The following OTOP1 variants were observed in gnomAD, a reference collection of about 807,000 sequenced individuals.
OTOP1 encodes proton channel OTOP1.
OTOP1 carries 59 observed loss-of-function variants against 52.9 expected under a neutral mutation model. That is an observed-to-expected ratio of 1.12 (90% CI 0.91 to 1.39). The LOEUF is 1.39. OTOP1 is among the 40% of genes most tolerant of loss of function. The pLI, the probability that OTOP1 is intolerant of heterozygous loss-of-function variation, is 0.00. For missense variants in OTOP1, 761 were observed against 800.9 expected (o/e 0.95, Z 0.60); for synonymous variants, 317 against 337.7 (o/e 0.94, Z 0.67).
At chr4:4,205,949 C>G (rs1470657618) in intron 3 of OTOP1, 123 bp downstream of exon 3, 1 of 831,662 alleles carries the variant, frequency 1.2e-6, no homozygotes, top group African/African-American at 1.7e-5. Context: ...GAGAGCTTAG[C>G]TTTCAGGACT....
At chr4:4,194,446 A>C (rs532458583) in intron 5 of OTOP1, among the ~76,000 whole-genome samples, 5 of 152,352 alleles carry the variant, frequency 3.3e-5, no homozygotes, top group African/African-American at 9.6e-5. Context: ...GCCTGCAGCC[A>C]AACTCTTCTG....
chr4:4,211,971 G>A (rs773513295), intron 2 of OTOP1, among the ~76,000 whole-genome samples: 4 of 152,000 alleles, frequency 2.6e-5, no homozygotes, highest in Non-Finnish European at 5.9e-5. Flanking sequence ...TGGATTTTAG[G>A]TGCCTTACCA....
chr4:4,222,637 G>A (rs770197102), intron 1 of OTOP1, among the ~76,000 whole-genome samples: 43 of 152,200 alleles, frequency 2.8e-4, no homozygotes, highest in Non-Finnish European at 4.8e-4. Flanking sequence ...GTAAGAAAAT[G>A]CATGGAGTTA....
chr4:4,211,509 G>T (rs1012672921), intron 2 of OTOP1, among the ~76,000 whole-genome samples: 4 of 152,214 alleles, frequency 2.6e-5, no homozygotes, highest in African/African-American at 9.7e-5. Flanking sequence ...GGAGGACATT[G>T]TGCTCAGTGG....
intron 4 of OTOP1, among the ~76,000 whole-genome samples, chr4:4,200,959 G>C (rs1247053016): frequency 6.6e-6 from 1 of 152,162 alleles, no homozygotes; most frequent in Non-Finnish European, 1.5e-5. Flanking sequence ...CAGAGTAACA[G>C]AATGTTAGAG....
chr4:4,208,228 A>G (rs1441604642), intron 2 of OTOP1, among the ~76,000 whole-genome samples: 3 of 152,172 alleles, frequency 2.0e-5, no homozygotes, highest in Admixed American at 6.5e-5. Context: ...TGGAGCCCAC[A>G]AGGAATTTCC....
Position 4,191,058 on chromosome 4 carries a change from C to T in OTOP1, c.1669-2085G>A, listed in dbSNP as rs185228425. On this transcript the variant is annotated intron_variant, in intron 5 of 5. Coordinates refer to ENST00000296358, the MANE Select transcript of OTOP1 (RefSeq NM_177998.3). ...GGCAACTTGAGTGTCTAAAACACAC[C>T]TCAAACTCAACCCACCTTCCCCATT... Among the ~76,000 whole-genome samples the T allele has an allele frequency of 1.2e-4, 19 of 152,274 alleles. No homozygotes were observed. In the East Asian group the frequency reaches 1.5e-3, roughly 12 times the overall value.
At chr4:4,200,723 C>CTTTTT (rs55863617) in intron 4 of OTOP1, among the ~76,000 whole-genome samples, 4,274 of 106,378 alleles carry the variant, frequency 0.04, 357 homozygotes, top group Non-Finnish European at 0.058. Flanking sequence ...GCATGCCTGC[C>CTTTTT]TTTTTTTTTT....
intron 1 of OTOP1, among the ~76,000 whole-genome samples, chr4:4,215,438 G>A (rs1042098729): frequency 3.3e-5 from 5 of 152,150 alleles, no homozygotes; most frequent in African/African-American, 1.2e-4. Flanking sequence ...GAGGCGGGTG[G>A]ATCACCTGAG....
intron 1 of OTOP1, among the ~76,000 whole-genome samples, chr4:4,216,356 G>C (rs1161448419): frequency 6.6e-6 from 1 of 152,184 alleles, no homozygotes; most frequent in Non-Finnish European, 1.5e-5. Context: ...ACGAGGACTT[G>C]GTCAAGTCAG....
intron 5 of OTOP1, among the ~76,000 whole-genome samples, chr4:4,189,383 C>T (rs552216088): frequency 1.3e-5 from 2 of 152,348 alleles, no homozygotes; most frequent in Non-Finnish European, 2.9e-5. Context: ...GGAACCTACA[C>T]ACTGTTCCCT....
At chr4:4,225,877 GGGA>G (rs1245977568) in intron 1 of OTOP1, among the ~76,000 whole-genome samples, 1 of 152,172 alleles carries the variant, frequency 6.6e-6, no homozygotes, top group Non-Finnish European at 1.5e-5. Flanking sequence ...CTGCAAAGCC[GGGA>G]GGAGAAGGGG....
intron 4 of OTOP1, among the ~76,000 whole-genome samples, chr4:4,199,403 G>A (rs199890839): frequency 6.6e-6 from 1 of 151,744 alleles, no homozygotes. Flanking sequence ...TATTTTGGGG[G>A]TTTTTTTGTT....
At chr4:4,224,217 G>A (rs530338402) in intron 1 of OTOP1, among the ~76,000 whole-genome samples, 1 of 151,680 alleles carries the variant, frequency 6.6e-6, no homozygotes, top group Admixed American at 6.6e-5. Flanking sequence ...CATAGTTGCA[G>A]GCGCCTATAA....
At chr4:4,192,133 A>T (rs1370370226) in intron 5 of OTOP1, among the ~76,000 whole-genome samples, 1 of 152,220 alleles carries the variant, frequency 6.6e-6, no homozygotes. Context: ...TGCAGTTTCC[A>T]AGCCCAGGCC....
intron 1 of OTOP1, among the ~76,000 whole-genome samples, chr4:4,221,946 A>G (rs1349190399): frequency 1.3e-5 from 2 of 152,024 alleles, no homozygotes; most frequent in African/African-American, 4.8e-5. Context: ...TTTTCTTTAT[A>G]TTGAAGTGCA....
chr4:4,221,116 G>A (rs1431772816), intron 1 of OTOP1, among the ~76,000 whole-genome samples: 9 of 147,728 alleles, frequency 6.1e-5, no homozygotes, highest in Non-Finnish European at 1.3e-4. Context: ...GTCTCACTCT[G>A]TTGTCCAGGC....
chr4:4,191,559 C>T (rs558958959), intron 5 of OTOP1, among the ~76,000 whole-genome samples: 3 of 152,332 alleles, frequency 2.0e-5, no homozygotes, highest in African/African-American at 7.2e-5. Context: ...CTCACTCCCA[C>T]CGGGGGTTTT....
chr4:4,218,804 C>A (rs1717207940), intron 1 of OTOP1, among the ~76,000 whole-genome samples: 1 of 152,038 alleles, frequency 6.6e-6, no homozygotes, highest in South Asian at 2.1e-4. Flanking sequence ...TGATGGGCAC[C>A]TGTAGTCCCA....
Sources: allele counts gnomAD v4.1 joint callset (sites outside exome capture counted in the v4.1 genomes callset), GRCh38; gene constraint gnomAD v4.1.1; transcripts MANE v1.5; gene names NCBI Gene and HGNC (gene_info 2026-07-23, HGNC 2026-07-21).